LRIF1: variants seen among roughly 807,000 people sequenced by gnomAD.
LRIF1 encodes the protein ligand-dependent nuclear receptor-interacting factor 1.
Under a neutral mutation model 52.7 loss-of-function variants are expected in LRIF1, and 32 were observed. The observed-to-expected ratio is 0.61, with a 90% CI of 0.46 to 0.82. The LOEUF is 0.82. Ranked by LOEUF, LRIF1 falls within the 40% of genes least tolerant of loss-of-function variation. LRIF1 has a pLI of 0.00. For missense variants in LRIF1, 887 were observed against 892.0 expected, an observed-to-expected ratio of 0.99 and a Z score of 0.07; for synonymous variants, 323 against 317.4, an observed-to-expected ratio of 1.02 and a Z score of -0.19.
At position 110,955,773 on chromosome 1, in the gene LRIF1, G is replaced by C. The variant is rs367731414; in HGVS notation, c.69-2958C>G. 6.0e-4 allele frequency among the ~76,000 whole-genome samples: 92 copies of C among 152,326 alleles called. 2 individuals carry two copies. In the South Asian group the frequency reaches 0.016, roughly 27 times the overall value. ...TGGCAGGAAGCTACAGGAATAAATG[G>C]AATCAAAGAAGGGATCTTTCCTTTT... On this transcript the variant is annotated intron_variant, in intron 1 of 3. Transcript: ENST00000369763.
At chr1:110,911,765 T>C in the LRIF1 span, among the ~76,000 whole-genome samples, 1 of 152,264 alleles carries the variant, frequency 6.6e-6, no homozygotes, top group Non-Finnish European at 1.5e-5. Flanking sequence ...CACATGATCA[T>C]CTCAAGAAAT....
Position 110,948,134 on chromosome 1 carries a change from G to C in LRIF1, c.2135C>G (p.Ala712Gly), listed in dbSNP as rs199995205. 4 of 1,614,034 alleles carry C rather than the reference G, an allele frequency of 2.5e-6. No individual in the cohort carries two copies. In the African/African-American group the frequency reaches 4.0e-5, roughly 16 times the overall value. The change falls in exon 4 of 4, where the codon GCA becomes GGA. Residue 712 changes from alanine (A) to glycine (G), a missense_variant. Ala to Gly is a moderately conservative substitution (Grantham distance 60). Transcript: ENST00000369763. ...KQEKGTLNSN[A>G]AYEQSHFFNK... ...GAAGAAATGACTTTGTTCATAAGCT[G>C]CATTTGAATTCAAAGTGCCTTTCTC...
At position 110,952,559 on chromosome 1, in the gene LRIF1, T is replaced by A. The variant is rs983269839; in HGVS notation, c.325A>T (p.Thr109Ser). The change falls in exon 2 of 4, where the codon ACA becomes TCA. Residue 109 changes from threonine (T) to serine (S), a missense_variant. By Grantham distance (58) the Thr-to-Ser change is moderately conservative (BLOSUM62 1). Coordinates refer to ENST00000369763, the MANE Select transcript of LRIF1 (RefSeq NM_018372.4). The part of the protein sequence containing the change: ...QPASSSNYFL[T>S]RTVDTSEKGR... ...TTTTCTGATGTATCTACTGTTCTTG[T>A]AAGAAAATAGTTTGAAGAACTGGCT... 4 of 1,613,906 alleles carry A rather than the reference T, an allele frequency of 2.5e-6. No individual in the cohort carries two copies. In the African/African-American group the frequency reaches 5.3e-5, roughly 22 times the overall value.
At chr1:110,896,059 GTCTC>G in the LRIF1 span, among the ~76,000 whole-genome samples, 1 of 152,012 alleles carries the variant, frequency 6.6e-6, no homozygotes, top group African/African-American at 2.4e-5. Context: ...TGAATGATAG[GTCTC>G]TCTATTTATC....
chr1:110,909,947 T>C, the LRIF1 span, among the ~76,000 whole-genome samples: 3 of 152,050 alleles, frequency 2.0e-5, no homozygotes, highest in African/African-American at 7.2e-5. Context: ...GGACATTATA[T>C]AATGATAAAG....
chr1:110,895,962 T>C, the LRIF1 span, among the ~76,000 whole-genome samples: 1 of 152,206 alleles, frequency 6.6e-6, no homozygotes, highest in Non-Finnish European at 1.5e-5. Flanking sequence ...ACTAATAAAG[T>C]CTATAATTAA....
At chr1:110,927,665 G>A in the LRIF1 span, among the ~76,000 whole-genome samples, 10 of 152,184 alleles carry the variant, frequency 6.6e-5, no homozygotes, top group East Asian at 1.9e-3. Flanking sequence ...GAGACAATAC[G>A]GGTCAGCTAC....
downstream of LRIF1, chr1:110,942,496 G>C (rs1327655545): frequency 6.6e-6 from 1 of 152,054 alleles, no homozygotes. Context: ...CTGAGGACAA[G>C]CTGTAGGACA....
chr1:110,879,022 T>G, the LRIF1 span, among the ~76,000 whole-genome samples: 5 of 152,060 alleles, frequency 3.3e-5, no homozygotes, highest in Non-Finnish European at 7.4e-5. Flanking sequence ...TTGTTTGATT[T>G]CTTTTTGTTT....
At chr1:110,916,189 G>A in the LRIF1 span, among the ~76,000 whole-genome samples, 2 of 152,012 alleles carry the variant, frequency 1.3e-5, no homozygotes, top group Admixed American at 6.5e-5. Flanking sequence ...GAAGAGCCTG[G>A]TAAAATGATA....
In LRIF1 at chr1:110,952,387, T is replaced by C. The variant is rs1387028465; in HGVS notation, c.497A>G (p.Asn166Ser). The change falls in exon 2 of 4, where the codon AAT (asparagine) becomes AGT (serine). Residue 166 changes from asparagine (N) to serine (S), a missense_variant. Coordinates refer to ENST00000369763, the MANE Select transcript of LRIF1 (RefSeq NM_018372.4). ...CACAGTCACTGGAAGACTCTGGGTA[T>C]TAACTACAATAAAAGATGAGTCTTT... is the stretch of plus-strand genomic sequence containing the variant. ...TQKDSSFIVV[N>S]TQSLPVTVKS... 6.2e-7 allele frequency: 1 copy of C among 1,613,876 alleles called. No individual in the cohort carries two copies. The highest frequency in any genetic ancestry group is 1.3e-5 in the African/African-American group (1 of 75,062).
the LRIF1 span, among the ~76,000 whole-genome samples, chr1:110,913,472 A>T: frequency 6.6e-6 from 1 of 152,250 alleles, no homozygotes; most frequent in Non-Finnish European, 1.5e-5. Flanking sequence ...AAACAACCCC[A>T]TTAAAAATGG....
rs1037503606 is a variant in LRIF1 at position 110,956,259 on chromosome 1, T to C, written c.69-3444A>G. 2.6e-5 allele frequency among the ~76,000 whole-genome samples: 4 copies of C among 152,150 alleles called. No homozygotes were observed. In the South Asian group the frequency reaches 6.2e-4, roughly 24 times the overall value. On this transcript the variant is annotated intron_variant, in intron 1 of 3. Transcript: ENST00000369763. ...GGTAGTGGTTATGAATTTATAGTGG[T>C]ACTAATCTGTACTCGAGATTTTTCT...
At position 110,948,095 on chromosome 1, in the gene LRIF1, G is replaced by C. The variant is rs775310244; in HGVS notation, c.2174C>G (p.Thr725Ser). The change falls in exon 4 of 4, where the codon ACC (threonine) becomes AGC (serine). Residue 725 changes from threonine to serine, a missense_variant. Coordinates refer to ENST00000369763, the MANE Select transcript of LRIF1 (RefSeq NM_018372.4). ...TGGTGTCACTGGGAAAATATCTTCGGTATAATTTTTATTGAAGAAATGACT... is the reference window on the plus strand; with the variant it reads ...TGGTGTCACTGGGAAAATATCTTCGCTATAATTTTTATTGAAGAAATGACT... ...EQSHFFNKNY[T>S]EDIFPVTPPE... The C allele has an allele frequency of 2.5e-5, 41 of 1,613,838 alleles. No individual in the cohort carries two copies. Among genetic ancestry groups the C allele is most frequent in the Non-Finnish European group, 3.4e-5 (40 of 1,179,976 alleles).
rs750869944 is a variant in LRIF1, at chr1:110,952,232, A to G, written c.652T>C (p.Ser218Pro). The G allele has an allele frequency of 6.2e-7, 1 of 1,614,070 alleles. No individual in the cohort carries two copies. The highest frequency in any genetic ancestry group is 1.3e-5 in the African/African-American group (1 of 74,930). ...KILATATTST[S>P]GMVEASQMPT... Reference sequence around the variant, plus strand: ...ATTTGGGAGGCCTCAACCATTCCTGAGGTACTGGTGGTGGCAGTTGCAAGT... The same window carrying G: ...ATTTGGGAGGCCTCAACCATTCCTGGGGTACTGGTGGTGGCAGTTGCAAGT... The change falls in exon 2 of 4, where the codon TCA (serine) becomes CCA (proline). Residue 218 changes from serine to proline, a missense_variant. By Grantham distance (74) the Ser-to-Pro change is moderately conservative. Coordinates refer to ENST00000369763, the MANE Select transcript of LRIF1 (RefSeq NM_018372.4).
At chr1:110,893,105 G>A in the LRIF1 span, among the ~76,000 whole-genome samples, 1 of 152,198 alleles carries the variant, frequency 6.6e-6, no homozygotes, top group African/African-American at 2.4e-5. Flanking sequence ...ATCCTGAGGA[G>A]TACCTTAAGG....
At chr1:110,886,846 A>AAGATTATATATATATATATATATAT in the LRIF1 span, among the ~76,000 whole-genome samples, 1 of 101,012 alleles carries the variant, frequency 9.9e-6, no homozygotes, top group African/African-American at 3.2e-5. Context: ...CTCTGTCTCC[A>AAGATTATATATATATATATATATAT]ATATATATAT....
At chr1:110,954,836 TA>T (rs1352902905) in intron 1 of LRIF1, among the ~76,000 whole-genome samples, 1 of 152,234 alleles carries the variant, frequency 6.6e-6, no homozygotes, top group Non-Finnish European at 1.5e-5. Flanking sequence ...GTAGCCTCTG[TA>T]GTGGCTCCTC....
At chr1:110,905,238 G>C in the LRIF1 span, among the ~76,000 whole-genome samples, 2 of 152,130 alleles carry the variant, frequency 1.3e-5, no homozygotes, top group Non-Finnish European at 2.9e-5. Flanking sequence ...TAATATCAGA[G>C]AATTCCCCAA....
Sources: allele counts gnomAD v4.1 joint callset (sites outside exome capture counted in the v4.1 genomes callset), GRCh38; gene constraint gnomAD v4.1.1; transcripts MANE v1.5; gene names NCBI Gene and HGNC (gene_info 2026-07-23, HGNC 2026-07-21).